Variants in ADGRV1 observed in about 807,000 individuals in gnomAD.
The protein encoded by ADGRV1 is G-protein coupled receptor 98.
A neutral mutation model predicts 596.2 loss-of-function variants in ADGRV1; 359 were observed. That is an observed-to-expected ratio of 0.60 (90% confidence interval 0.55 to 0.66). The LOEUF is 0.66. Ranked by LOEUF, ADGRV1 falls within the 30% of genes least tolerant of loss-of-function variation. The pLI is 0.00. For missense variants in ADGRV1, 7,274 were observed against 7,575.6 expected, an observed-to-expected ratio of 0.96 and a Z score of 1.48; for synonymous variants, 2,681 against 2,679.2, an observed-to-expected ratio of 1.00 and a Z score of -0.02.
chr5:90,886,812 C>G (rs1561896939), intron 83 of ADGRV1, among the ~76,000 whole-genome samples: 2 of 152,182 alleles, frequency 1.3e-5, no homozygotes, highest in South Asian at 4.1e-4. Context: ...TCTTTCCTTG[C>G]TATAAGTGTA....
intron 31 of ADGRV1, among the ~76,000 whole-genome samples, chr5:90,691,838 A>G (rs1414532860): frequency 1.3e-5 from 2 of 152,196 alleles, no homozygotes; most frequent in Non-Finnish European, 2.9e-5. Flanking sequence ...GAAAAATAGC[A>G]TGCGAGATGC....
chr5:90,807,716 C>T lies in ADGRV1; in HGVS notation c.14951C>T (p.Ala4984Val). 6.4e-7 allele frequency: 1 copy of T among 1,566,116 alleles called. No homozygotes were observed. The highest frequency in any genetic ancestry group is 1.2e-5 in the South Asian group (1 of 83,876). The part of the protein sequence containing the change: ...VLHLSGVQSS[A>V]PGGAQLRSGF... ...CACCTATCAGGAGTGCAGAGCAGTG[C>T]TCCTGGCGGAGCTCAACTCCGGTAA... is the stretch of plus-strand genomic sequence containing the variant. Residue 4984 changes from alanine to valine, a missense_variant, in exon 73 of 90, where the codon GCT becomes GTT. Physicochemically the swap from Ala to Val is moderately conservative, Grantham distance 64. Coordinates refer to ENST00000405460, the MANE Select transcript of ADGRV1 (RefSeq NM_032119.4).
intron 85 of ADGRV1, among the ~76,000 whole-genome samples, chr5:91,011,344 A>G (rs73771163): frequency 0.2 from 30,764 of 151,780 alleles, 3,541 homozygotes; most frequent in East Asian, 0.31. Flanking sequence ...TCAAGAACAT[A>G]TTATTTCTAG....
At chr5:90,649,129 G>A (rs191710706) in intron 17 of ADGRV1, among the ~76,000 whole-genome samples, 1,874 of 151,878 alleles carry the variant, frequency 0.012, 13 homozygotes, top group Non-Finnish European at 0.019. Flanking sequence ...TCAGCCTCCC[G>A]AGTAGCTGGG....
chr5:91,124,743 G>A (rs551591960), intron 87 of ADGRV1, among the ~76,000 whole-genome samples: 1 of 152,106 alleles, frequency 6.6e-6, no homozygotes, highest in Non-Finnish European at 1.5e-5. Context: ...TTTTAGTTAC[G>A]GGGTCAGAAA....
chr5:90,746,343 C>T (rs931400859), intron 52 of ADGRV1, among the ~76,000 whole-genome samples: 3 of 151,886 alleles, frequency 2.0e-5, no homozygotes, highest in Non-Finnish European at 2.9e-5. Context: ...AAGTTACTTC[C>T]GTGCCCAGAT....
rs369024868 is a variant in ADGRV1, at chr5:90,642,883, A to G, written c.2395A>G (p.Ile799Val). 1.4e-5 allele frequency: 22 copies of G among 1,608,512 alleles called. No individual in the cohort carries two copies. The highest frequency in any genetic ancestry group is 1.8e-5 in the Non-Finnish European group (21 of 1,177,492). ...KEGESVELHI[I>V]RSRGSLVKQF... The stretch of plus-strand genomic sequence containing the variant: ...AGGAGAATCTGTAGAGCTCCACATC[A>G]TCCGATCAAGGGGGTCCCTTGTTAA... The change falls in exon 13 of 90, where the codon ATC becomes GTC. Residue 799 changes from isoleucine (I) to valine (V), a missense_variant. By Grantham distance (29) the Ile-to-Val change is conservative. Around this residue, in one of 5 missense-constraint regions of ADGRV1, gnomAD observed 1,715 missense variants for 1,708.8 expected, o/e 1.00. Coordinates refer to ENST00000405460, the MANE Select transcript of ADGRV1 (RefSeq NM_032119.4).
chr5:91,124,042 T>G (rs995569678), intron 87 of ADGRV1, among the ~76,000 whole-genome samples: 12 of 152,186 alleles, frequency 7.9e-5, no homozygotes, highest in Non-Finnish European at 1.6e-4. Flanking sequence ...TTGAAACGTT[T>G]GAGAAGGCCA....
rs77557806 is a variant in ADGRV1, at chr5:90,844,629, C to T, written c.17019+3644C>T. Among the ~76,000 whole-genome samples the T allele has an allele frequency of 3.5e-3, 530 of 152,304 alleles. 5 individuals carry two copies. Among genetic ancestry groups the T allele is most frequent in the African/African-American group, 0.012 (508 of 41,566 alleles). On this transcript the variant is annotated intron_variant, in intron 78 of 89. Coordinates refer to ENST00000405460, the MANE Select transcript of ADGRV1 (RefSeq NM_032119.4). ...AATCTGATATGCTAACTTTCAATTT[C>T]GTCAGGTTTTGATTTTGTCGTTATC...
At chr5:90,731,325 C>G (rs978910942) in intron 50 of ADGRV1, among the ~76,000 whole-genome samples, 1 of 152,106 alleles carries the variant, frequency 6.6e-6, no homozygotes. Context: ...TCTACTATCA[C>G]AAGAGCAGCA....
At chr5:90,563,754 G>T (rs1009171565) in intron 1 of ADGRV1, among the ~76,000 whole-genome samples, 1 of 152,224 alleles carries the variant, frequency 6.6e-6, no homozygotes. Flanking sequence ...AAATGAATAA[G>T]TGCTCTGAGG....
intron 83 of ADGRV1, among the ~76,000 whole-genome samples, chr5:90,879,712 C>T (rs575789931): frequency 6.6e-6 from 1 of 151,982 alleles, no homozygotes. Flanking sequence ...TTTGGGAGGT[C>T]AAGGCAGGCA....
intron 83 of ADGRV1, among the ~76,000 whole-genome samples, chr5:90,959,543 C>G (rs1777785188): frequency 1.3e-5 from 2 of 152,124 alleles, no homozygotes; most frequent in Non-Finnish European, 2.9e-5. Context: ...GAACCTAACA[C>G]TACCCTTTTC....
chr5:90,911,194 G>A (rs1212127182), intron 83 of ADGRV1, among the ~76,000 whole-genome samples: 1 of 152,144 alleles, frequency 6.6e-6, no homozygotes, highest in African/African-American at 2.4e-5. Context: ...AAATCTGTGT[G>A]ACTATTTTTA....
At chr5:90,652,629 A>T (rs969695375) in intron 19 of ADGRV1, 66 bp downstream of exon 19, 21 of 1,046,954 alleles carry the variant, frequency 2.0e-5, no homozygotes, top group Non-Finnish European at 2.7e-5. Flanking sequence ...TACATTTTAT[A>T]CTTAGATAAT....
intron 80 of ADGRV1, 134 bp from the exon 81 acceptor site, chr5:90,853,928 T>C (rs1232540455): frequency 1.5e-6 from 1 of 681,420 alleles, no homozygotes; most frequent in Non-Finnish European, 2.5e-6. Flanking sequence ...CATGCATAAG[T>C]GAGCTAAATA....
intron 87 of ADGRV1, among the ~76,000 whole-genome samples, chr5:91,137,542 T>A (rs558638385): frequency 1.4e-4 from 22 of 152,286 alleles, no homozygotes; most frequent in African/African-American, 5.3e-4. Flanking sequence ...GTTCACAGAG[T>A]TTCCAATATA....
chr5:90,844,752 A>G (rs915808769), intron 78 of ADGRV1, among the ~76,000 whole-genome samples: 2 of 152,144 alleles, frequency 1.3e-5, no homozygotes, highest in African/African-American at 4.8e-5. Flanking sequence ...AAAGTTTGAT[A>G]GACTATCCCC....
At chr5:91,040,984 T>C (rs529736255) in intron 85 of ADGRV1, among the ~76,000 whole-genome samples, 179 of 152,284 alleles carry the variant, frequency 1.2e-3, no homozygotes, top group Non-Finnish European at 2.1e-3. Flanking sequence ...ATTTAAGTGA[T>C]GATGTGATTG....
Sources: allele counts gnomAD v4.1 joint callset (sites outside exome capture counted in the v4.1 genomes callset), GRCh38; gene constraint gnomAD v4.1.1; regional missense constraint gnomAD v4.1.1; transcripts MANE v1.5; gene names NCBI Gene and HGNC (gene_info 2026-07-23, HGNC 2026-07-21).